Variants in PDIA2 observed in about 807,000 individuals in gnomAD.
The protein encoded by PDIA2 is protein disulfide isomerase family A member 2, also known as protein disulfide-isomerase A2.
In PDIA2, 76 loss-of-function variants were observed where a neutral mutation model predicts 51.1. The ratio of observed to expected loss-of-function variants is 1.49; its 90% CI spans 1.24 to 1.80. The LOEUF is 1.80. Ranked by LOEUF, PDIA2 falls within the 40% of genes most tolerant of loss-of-function variation. PDIA2 has a pLI of 0.00. For missense variants in PDIA2, 946 were observed against 706.5 expected, an observed-to-expected ratio of 1.34 and a Z score of -3.84; for synonymous variants, 429 against 309.9, an observed-to-expected ratio of 1.38 and a Z score of -4.04.
chr16:286,645 TGAGCTGGATGCCACGGCCAAC>T lies in PDIA2; in HGVS notation c.1345_1365del (p.Thr449_Ala455del), dbSNP rs750504504. Reference sequence around the variant, plus strand: ...AAGACCACGAGGACATCATCATTGCTGAGCTGGATGCCACGGCCAACGAGCTGGATGCCTTCGCTGTGCACG... The same window carrying T: ...AAGACCACGAGGACATCATCATTGCTGAGCTGGATGCCTTCGCTGTGCACG... On this transcript the variant is annotated inframe_deletion, in exon 9 of 11. Coordinates refer to ENST00000219406, the MANE Select transcript of PDIA2 (RefSeq NM_006849.4). The T allele has an allele frequency of 7.3e-5, 118 of 1,612,474 alleles. No homozygotes were observed. Among genetic ancestry groups the T allele is most frequent in the Non-Finnish European group, 9.2e-5 (108 of 1,179,978 alleles).
chr16:287,213 G>C lies in PDIA2; in HGVS notation c.*100G>C, dbSNP rs2052400483. The C allele has an allele frequency of 1.3e-6, 2 of 1,487,280 alleles. No homozygotes were observed. The highest frequency in any genetic ancestry group is 1.4e-5 in the African/African-American group (1 of 72,490). The allele number at this position is 1,487,280 out of a possible 1,614,324, so 92.1% of individuals were successfully genotyped here. On this transcript the variant is annotated 3_prime_UTR_variant, in exon 11 of 11. Transcript: ENST00000219406. ...GTGAATAAAGAGTGAGCTTGGTTCT[G>C]GACTCTGTGTGCCTGGTCCCTCAGC...
In PDIA2 at chr16:286,421, G is replaced by A. The variant is rs45519635; in HGVS notation, c.1188G>A (p.Lys396=). The A allele has an allele frequency of 0.015, 23,685 of 1,612,794 alleles. 206 individuals carry two copies. The highest frequency in any genetic ancestry group is 0.018 in the Non-Finnish European group (21,007 of 1,179,832). ...DQRPVKTLVG[K]NFEQVAFDET... ...GGCCAGTTAAGACCCTCGTGGGCAA[G>A]AATTTTGAGCAGGTGGCTTTTGACG... is the stretch of plus-strand genomic sequence containing the variant. The change falls in exon 8 of 11, where the codon AAG becomes AAA. Residue 396 remains lysine, a synonymous_variant. Coordinates refer to ENST00000219406, the MANE Select transcript of PDIA2 (RefSeq NM_006849.4).
At chr16:285,483 C>G (rs774957365) in intron 6 of PDIA2, 23 bp from the exon 7 acceptor site, 1 of 1,611,966 alleles carries the variant, frequency 6.2e-7, no homozygotes. Context: ...GTGGCCGGTG[C>G]CAGCATGGAC....
In PDIA2 at chr16:286,356, T is replaced by C. The variant is rs777520679; in HGVS notation, c.1123T>C (p.Tyr375His). 5 of 1,414,318 alleles carry C rather than the reference T, an allele frequency of 3.5e-6. No homozygotes were observed. The highest frequency in any genetic ancestry group is 4.7e-6 in the Non-Finnish European group (5 of 1,060,292). The allele number at this position is 1,414,318 out of a possible 1,614,324, so 87.6% of individuals were successfully genotyped here. ...CGCCTGTCCTGGTTTCCCCCAGCCC[T>C]ATCTCCTGAGCCAGGAGATACCCCC... ...HAVLNGQVKP[Y>H]LLSQEIPPDW... Residue 375 changes from tyrosine to histidine, a missense_variant, in exon 8 of 11, where the codon TAT becomes CAT. Transcript: ENST00000219406.
rs886348559 is a variant in PDIA2, at chr16:285,172, T to C, written c.767T>C (p.Met256Thr). Residue 256 changes from methionine (M) to threonine (T), a missense_variant, in exon 5 of 11, where the codon ATG (methionine) becomes ACG (threonine). Physicochemically the swap from Met to Thr is moderately conservative, Grantham distance 81 (BLOSUM62 -1). Coordinates refer to ENST00000219406, the MANE Select transcript of PDIA2 (RefSeq NM_006849.4). ...TCGCGCTTCCTGGTCACACACAGCA[T>C]GCGCCTGGTCACGGAGTTCAACAGC... Reference protein sequence around the residue: ...DLSRFLVTHSMRLVTEFNSQT... With the variant: ...DLSRFLVTHSTRLVTEFNSQT... 8 of 1,612,942 alleles carry C rather than the reference T, an allele frequency of 5.0e-6. No homozygotes were observed. Among genetic ancestry groups the C allele is most frequent in the Non-Finnish European group, 4.2e-6 (5 of 1,179,984 alleles).
intron 7 of PDIA2, 72 bp downstream of exon 7, chr16:285,775 C>T (rs1224572729): frequency 2.0e-6 from 3 of 1,485,588 alleles, no homozygotes; most frequent in African/African-American, 1.4e-5. Context: ...GGGGTGGGAA[C>T]AGCAGCTCTC....
In PDIA2 at chr16:285,374, G is replaced by T; in HGVS notation, c.858G>T (p.Thr286=). The T allele has an allele frequency of 6.2e-7, 1 of 1,612,738 alleles. No homozygotes were observed. The highest frequency in any genetic ancestry group is 8.5e-7 in the Non-Finnish European group (1 of 1,179,882). ...ACCTGCTGCTGTTTGTCAACCAGAC[G>T]CTGGCTGCGCACCGGGAGCTCCTAG... ...LNHLLLFVNQ[T]LAAHRELLAG... Residue 286 remains threonine, a synonymous_variant, in exon 6 of 11, where the codon ACG becomes ACT. Coordinates refer to ENST00000219406, the MANE Select transcript of PDIA2 (RefSeq NM_006849.4).
chr16:285,815 AG>A, intron 7 of PDIA2, 112 bp downstream of exon 7: 1 of 1,207,768 alleles, frequency 8.3e-7, no homozygotes, highest in Non-Finnish European at 1.2e-6. Flanking sequence ...GGCCCCGCAG[AG>A]GCCCCCCTCA....
chr16:287,004 GGC>G, intron 10 of PDIA2, 59 bp downstream of exon 10: 8 of 1,612,108 alleles, frequency 5.0e-6, no homozygotes, highest in Middle Eastern at 1.7e-4. Context: ...ACACAGGGCT[GGC>G]AGGGGCGGGG....
intron 7 of PDIA2, 53 bp from the exon 8 acceptor site, chr16:286,300 T>A: frequency 2.2e-5 from 18 of 822,322 alleles, no homozygotes; most frequent in East Asian, 5.8e-5. Context: ...GCACAGGACC[T>A]CCTGAACCCT....
Position 285,441 on chromosome 16 carries a change from C to T in PDIA2, c.921+4C>T, listed in dbSNP as rs767800677. 3 of 1,535,366 alleles carry T rather than the reference C, an allele frequency of 2.0e-6. No individual in the cohort carries two copies. Among genetic ancestry groups the T allele is most frequent in the Non-Finnish European group, 2.6e-6 (3 of 1,134,688 alleles). On this transcript the variant is annotated splice_donor_region_variant and intron_variant, in intron 6 of 10. Coordinates refer to ENST00000219406, the MANE Select transcript of PDIA2 (RefSeq NM_006849.4). ...AGCTCCCCGCTTCCGGGGGCAGGTA[C>T]TGGGGGGCTGGGGGAAAGGGGCAGC...
In PDIA2 at chr16:287,067, A is replaced by G. The variant is rs762646804; in HGVS notation, c.1534-2A>G. On this transcript the variant is annotated splice_acceptor_variant, in intron 10 of 10. Coordinates refer to ENST00000219406, the MANE Select transcript of PDIA2 (RefSeq NM_006849.4). LOFTEE classifies it high-confidence loss of function. ...TCGAGCTGCACTTGTGACCCTTTCT[A>G]GGAGCCACCGGCCAACTCCACTATG... is the stretch of plus-strand genomic sequence containing the variant. 194 of 1,612,632 alleles carry G rather than the reference A, an allele frequency of 1.2e-4. No individual in the cohort carries two copies. In the East Asian group the frequency reaches 4.2e-3, roughly 35 times the overall value.
rs368987592 is a variant in PDIA2 at position 285,388 on chromosome 16, G to A, written c.872G>A (p.Arg291Gln). Residue 291 changes from arginine to glutamine, a missense_variant, in exon 6 of 11, where the codon CGG becomes CAG. Arg to Gln is a conservative substitution (Grantham distance 43). Transcript: ENST00000219406. The part of the protein sequence containing the change: ...LFVNQTLAAH[R>Q]ELLAGFGEAA... ...GTCAACCAGACGCTGGCTGCGCACCGGGAGCTCCTAGCGGGCTTTGGGGAG... is the reference window on the plus strand; with the variant it reads ...GTCAACCAGACGCTGGCTGCGCACCAGGAGCTCCTAGCGGGCTTTGGGGAG... The A allele has an allele frequency of 3.8e-5, 61 of 1,612,400 alleles. 1 individual carries two copies. Among genetic ancestry groups the A allele is most frequent in the African/African-American group, 1.7e-4 (13 of 74,970 alleles).
chr16:285,583 C>T lies in PDIA2; in HGVS notation c.999C>T (p.Ala333=), dbSNP rs764909677. 6.2e-7 allele frequency: 1 copy of T among 1,613,214 alleles called. No individual in the cohort carries two copies. Among genetic ancestry groups the T allele is most frequent in the South Asian group, 1.1e-5 (1 of 91,078 alleles). The part of the protein sequence containing the change: ...LQYFGLKAEA[A]PTLRLVNLET... ...ACTTTGGACTCAAGGCTGAGGCAGC[C>T]CCCACTCTGCGCTTGGTCAACCTTG... The change falls in exon 7 of 11, where the codon GCC becomes GCT. Residue 333 remains alanine (A), a synonymous_variant. Transcript: ENST00000219406.
rs780194806 is a variant in PDIA2 at position 284,366 on chromosome 16, AC to A, written c.200-20del. The A allele has an allele frequency of 2.7e-5, 42 of 1,535,248 alleles. 1 individual carries two copies. The South Asian group carries it at 4.8e-4, about 17-fold the overall frequency. On this transcript the variant is annotated intron_variant, in intron 1 of 10. Transcript: ENST00000219406. ...TCCTGGGGTTGTGGTGGCCTGGGGC[AC>A]TCACGGCCCCATCCCCCAGATGCCC... is the stretch of plus-strand genomic sequence containing the variant.
At position 284,434 on chromosome 16, in the gene PDIA2, A is replaced by C; in HGVS notation, c.247A>C (p.Lys83Gln). Reference sequence around the variant, plus strand: ...CCAGGCCCTGGCCCCCGAGTACAGCAAGGCAGCTGCCGTGCTCGCGGCCGA... The same window carrying C: ...CCAGGCCCTGGCCCCCGAGTACAGCCAGGCAGCTGCCGTGCTCGCGGCCGA... ...HCQALAPEYS[K>Q]AAAVLAAESM... The change falls in exon 2 of 11, where the codon AAG becomes CAG. Residue 83 changes from lysine to glutamine, a missense_variant. Physicochemically the swap from Lys to Gln is moderately conservative, Grantham distance 53 (BLOSUM62 1). Transcript: ENST00000219406. The C allele has an allele frequency of 1.3e-6, 2 of 1,590,386 alleles. No individual in the cohort carries two copies. Among genetic ancestry groups the C allele is most frequent in the Non-Finnish European group, 1.7e-6 (2 of 1,170,934 alleles).
chr16:287,205 T>TTGGTTCTGGACTC (rs1262091635), exon 11 of PDIA2: 1 of 1,533,820 alleles, frequency 6.5e-7, no homozygotes. Flanking sequence ...AAGAGTGAGC[T>TTGGTTCTGGACTC]TGGTTCTGGA....
rs771177287 is a variant in PDIA2 at position 284,602 on chromosome 16, CAGGCCGGTCATTGGG to C, written c.406+10_406+24del. 6.8e-6 allele frequency: 11 copies of C among 1,608,636 alleles called. No homozygotes were observed. In the African/African-American group the frequency reaches 1.5e-4, roughly 22 times the overall value. ...CCCGGAGGAGTACACAGGTGAGGGGCAGGCCGGTCATTGGGGGGGCGGTGGCCAGGCCGAGGCTGA... is the reference window on the plus strand; with the variant it reads ...CCCGGAGGAGTACACAGGTGAGGGGCGGGGCGGTGGCCAGGCCGAGGCTGA... On this transcript the variant is annotated intron_variant, in intron 2 of 10. Transcript: ENST00000219406.
At chr16:286,999 G>C in intron 10 of PDIA2, 54 bp downstream of exon 10, 1 of 1,611,982 alleles carries the variant, frequency 6.2e-7, no homozygotes, top group Non-Finnish European at 8.5e-7. Context: ...TCTTTACACA[G>C]GGCTGGCAGG....
Sources: gnomAD v4.1 joint callset for allele counts on GRCh38, gnomAD v4.1.1 for gene constraint, MANE v1.5 for transcripts, NCBI Gene and HGNC (gene_info 2026-07-23, HGNC 2026-07-21) for gene names.